Variants in EPHB2 observed in about 807,000 individuals in gnomAD.
EPHB2 encodes the protein EPH receptor B2.
A neutral mutation model predicts 96.4 loss-of-function variants in EPHB2; 18 were observed. The ratio of observed to expected loss-of-function variants is 0.19; its 90% confidence interval spans 0.13 to 0.28. The LOEUF (loss-of-function observed/expected upper bound fraction) is 0.28. EPHB2 is among the 10% of genes least tolerant of loss of function. The pLI is 1.00. For missense variants in EPHB2, 989 were observed against 1,355.4 expected (o/e 0.73, Z 4.25); for synonymous variants, 506 against 534.1 (o/e 0.95, Z 0.72).
intron 3 of EPHB2, among the ~76,000 whole-genome samples, chr1:22,815,680 G>A (rs1300739307): frequency 1.3e-4 from 20 of 152,264 alleles, no homozygotes; most frequent in Admixed American, 1.3e-3. Context: ...AGTCCTGGAA[G>A]CTGCTTGGAG....
chr1:22,775,108 C>T lies in EPHB2; in HGVS notation c.62-6313C>T, dbSNP rs1644431017. The T allele has an allele frequency of 1.1e-5, 8 of 751,110 alleles. No individual in the cohort carries two copies. In the East Asian group the frequency reaches 1.7e-4, roughly 16 times the overall value. The allele number at this position is 751,110 out of a possible 1,614,324, so 46.5% of individuals were successfully genotyped here. On this transcript the variant is annotated intron_variant, in intron 1 of 15. Transcript: ENST00000374630. ...CAGAGAGAGAAGATAAATGCACACA[C>T]ACAAGCCCTGATGACTTTGTTGTTT...
chr1:22,717,430 A>G (rs1643322452), intron 1 of EPHB2, among the ~76,000 whole-genome samples: 1 of 152,092 alleles, frequency 6.6e-6, no homozygotes, highest in Non-Finnish European at 1.5e-5. Flanking sequence ...CTTGCCTAGG[A>G]CACCCTCACT....
intron 14 of EPHB2, 63 bp from the exon 15 acceptor site, chr1:22,912,381 G>A (rs1035499015): frequency 2.3e-5 from 37 of 1,607,964 alleles, no homozygotes; most frequent in Non-Finnish European, 2.6e-5. Flanking sequence ...CTACAGGCAT[G>A]TCCCTGCACG....
chr1:22,906,126 C>G lies in EPHB2; in HGVS notation c.1888+17C>G, dbSNP rs1220669572. ...TCGGAGCAGGTAGGTGGCTGGTACTCTCACATGTACTATGACCTTAGCCAT... is the reference window on the plus strand; with the variant it reads ...TCGGAGCAGGTAGGTGGCTGGTACTGTCACATGTACTATGACCTTAGCCAT... On this transcript the variant is annotated intron_variant, in intron 10 of 15. Transcript: ENST00000374630. This position sits in a 1 kb window ranked among gnomAD's most constrained non-coding sequence, Gnocchi z 4.8. The G allele has an allele frequency of 6.2e-7, 1 of 1,614,154 alleles. No individual in the cohort carries two copies. The highest frequency in any genetic ancestry group is 8.5e-7 in the Non-Finnish European group (1 of 1,180,024).
chr1:22,913,611 C>T lies in EPHB2; in HGVS notation c.*41C>T, dbSNP rs780555534. 6.2e-7 allele frequency: 1 copy of T among 1,612,208 alleles called. No individual in the cohort carries two copies. The highest frequency in any genetic ancestry group is 8.5e-7 in the Non-Finnish European group (1 of 1,179,156). On this transcript the variant is annotated 3_prime_UTR_variant, in exon 16 of 16. Transcript: ENST00000374630. The surrounding 1 kb of genome is among the most constrained non-coding windows in gnomAD (Gnocchi z 4.1). ...GCTCACCTCTTCCTCCAAGCCCCGCCCCCTCTGCCCCACGTGCCGGCCCTC... is the reference window on the plus strand; with the variant it reads ...GCTCACCTCTTCCTCCAAGCCCCGCTCCCTCTGCCCCACGTGCCGGCCCTC...
chr1:22,734,865 C>G (rs1414449986), intron 1 of EPHB2, among the ~76,000 whole-genome samples: 3 of 152,204 alleles, frequency 2.0e-5, no homozygotes, highest in Non-Finnish European at 1.5e-5. Context: ...AGGGGACTTA[C>G]AGATTACAAG....
intron 3 of EPHB2, among the ~76,000 whole-genome samples, chr1:22,810,738 C>A (rs975120383): frequency 6.6e-6 from 1 of 152,268 alleles, no homozygotes; most frequent in African/African-American, 2.4e-5. Context: ...CTCTGCCTTC[C>A]CATCCCACTC....
rs1025929400 is a variant in EPHB2, at chr1:22,919,983, A to G, written c.*6413A>G. On this transcript the variant is annotated 3_prime_UTR_variant, in exon 16 of 16. Transcript: ENST00000374630. ...CCTAGCATTTTTTTAAAAGCACAAA[A>G]AAAAAAGAGCAAGAAAGAGAGAAAG... The G allele has an allele frequency of 5.9e-5, 9 of 152,130 alleles. No homozygotes were observed. The highest frequency in any genetic ancestry group is 2.2e-4 in the African/African-American group (9 of 41,436). 9.4% of individuals were successfully genotyped at this position (152,130 alleles called of 1,614,324 possible). A position where few individuals can be genotyped will look rare whatever the true frequency, so the allele number is the denominator to read the frequency against.
chr1:22,884,045 G>A (rs565281956), intron 6 of EPHB2, among the ~76,000 whole-genome samples: 51 of 151,712 alleles, frequency 3.4e-4, no homozygotes, highest in African/African-American at 1.1e-3. Flanking sequence ...AATCTTCAGG[G>A]TCCCTCCCAA....
chr1:22,745,472 G>A (rs911946259), intron 1 of EPHB2, among the ~76,000 whole-genome samples: 2 of 152,150 alleles, frequency 1.3e-5, no homozygotes, highest in Non-Finnish European at 2.9e-5. Context: ...CAGGACACGA[G>A]GAACTTTTTG....
At chr1:22,727,202 G>A (rs1377137391) in intron 1 of EPHB2, among the ~76,000 whole-genome samples, 1 of 152,238 alleles carries the variant, frequency 6.6e-6, no homozygotes, top group East Asian at 1.9e-4. Flanking sequence ...GGCCAGGAGG[G>A]GCTATATGGG....
intron 3 of EPHB2, among the ~76,000 whole-genome samples, chr1:22,833,043 A>G (rs936731110): frequency 6.6e-6 from 1 of 151,354 alleles, no homozygotes; most frequent in Non-Finnish European, 1.5e-5. Context: ...TAGAGATGAT[A>G]TTGATACAAC....
chr1:22,836,250 G>C (rs113734150), intron 3 of EPHB2, among the ~76,000 whole-genome samples: 1,716 of 152,310 alleles, frequency 0.011, 18 homozygotes, highest in Non-Finnish European at 0.019. Flanking sequence ...GCACCAGGGT[G>C]GGGGAGAGCC....
intron 1 of EPHB2, among the ~76,000 whole-genome samples, chr1:22,715,609 T>A (rs1044870045): frequency 3.9e-5 from 6 of 152,260 alleles, no homozygotes; most frequent in African/African-American, 1.4e-4. Flanking sequence ...AGGGCTTAGA[T>A]TTAAAACCTA....
Position 22,906,163 on chromosome 1 carries a change from C to A in EPHB2, c.1888+54C>A. 3 of 1,613,386 alleles carry A rather than the reference C, an allele frequency of 1.9e-6. No homozygotes were observed. The highest frequency in any genetic ancestry group is 2.2e-5 in the South Asian group (2 of 90,896). ...ATGACCTTAGCCATGGCTGGTGAGA[C>A]CACCCCAATGTATACCCTTGGGGCA... On this transcript the variant is annotated intron_variant, in intron 10 of 15. Transcript: ENST00000374630. This position sits in a 1 kb window ranked among gnomAD's most constrained non-coding sequence, Gnocchi z 4.8.
At chr1:22,878,528 A>G (rs6426771) in intron 5 of EPHB2, among the ~76,000 whole-genome samples, 138,021 of 152,280 alleles carry the variant, frequency 0.91, 64,064 homozygotes, top group East Asian at 1. Context: ...GCAACTCCAC[A>G]AACTGAAGAA....
chr1:22,843,056 A>G (rs1234728238), intron 3 of EPHB2, among the ~76,000 whole-genome samples: 2 of 152,196 alleles, frequency 1.3e-5, no homozygotes, highest in African/African-American at 4.8e-5. Flanking sequence ...GAATCTGAGC[A>G]ATTAGAACAC....
intron 3 of EPHB2, among the ~76,000 whole-genome samples, chr1:22,816,263 C>T (rs1212604896): frequency 6.6e-6 from 1 of 152,186 alleles, no homozygotes; most frequent in Non-Finnish European, 1.5e-5. Flanking sequence ...AACCAGACCT[C>T]TCTGAGCCCC....
chr1:22,795,080 T>C (rs1644748234), intron 3 of EPHB2, among the ~76,000 whole-genome samples: 5 of 152,148 alleles, frequency 3.3e-5, no homozygotes, highest in Admixed American at 3.3e-4. Flanking sequence ...CACCCCACCC[T>C]GTTTGGGCAC....
Sources: allele counts gnomAD v4.1 joint callset (sites outside exome capture counted in the v4.1 genomes callset), GRCh38; gene constraint gnomAD v4.1.1; non-coding constraint Gnocchi (gnomAD v3.1); transcripts MANE v1.5; gene names NCBI Gene and HGNC (gene_info 2026-07-23, HGNC 2026-07-21).